The following GJA3 variants were observed in gnomAD, a reference collection of about 807,000 sequenced individuals.
GJA3 encodes gap junction alpha-3 protein.
For synonymous variants in GJA3, 297 were observed against 292.6 expected (o/e 1.02, Z -0.15); for missense variants, 571 against 620.3 (o/e 0.92, Z 0.84).
At chr13:20,143,743 C>G (rs1958827209) in intron 1 of GJA3, among the ~76,000 whole-genome samples, 1 of 152,222 alleles carries the variant, frequency 6.6e-6, no homozygotes, top group Non-Finnish European at 1.5e-5. Context: ...CCATGTTAAT[C>G]TGATACCTCT....
In GJA3 at chr13:20,142,945, A is replaced by G; in HGVS notation, c.344T>C (p.Leu115Pro). Reference protein sequence around the residue: ...KKKEREEEEQLKRESPSPKEP... With the variant: ...KKKEREEEEQPKRESPSPKEP... ...CTTGGGGCTGGGGCTCTCTCTCTTC[A>G]GCTGCTCCTCCTCCTCCCTCTCTTT... Residue 115 changes from leucine to proline, a missense_variant, in exon 2 of 2, where the codon CTG becomes CCG. Leu to Pro is a moderately conservative substitution (Grantham distance 98). Coordinates refer to ENST00000241125, the MANE Select transcript of GJA3 (RefSeq NM_021954.4). 1.9e-6 allele frequency: 3 copies of G among 1,576,940 alleles called. No homozygotes were observed. The highest frequency in any genetic ancestry group is 1.7e-4 in the Middle Eastern group (1 of 6,024).
intron 1 of GJA3, among the ~76,000 whole-genome samples, chr13:20,147,274 T>C (rs1958848573): frequency 6.6e-6 from 1 of 152,224 alleles, no homozygotes; most frequent in Non-Finnish European, 1.5e-5. Flanking sequence ...CATCAGCCAC[T>C]TCCAGATTTC....
At chr13:20,154,925 A>C (rs9509065) in intron 1 of GJA3, among the ~76,000 whole-genome samples, 38,299 of 152,108 alleles carry the variant, frequency 0.25, 6,658 homozygotes, top group African/African-American at 0.49. Context: ...ATTACAGCTC[A>C]CTGTAACTTT....
rs1958801461 is a variant in GJA3, at chr13:20,140,566, TCATTTTATAAACAA to T, written c.*1401_*1414del. 1 of 152,230 alleles carries T rather than the reference TCATTTTATAAACAA, an allele frequency of 6.6e-6. No individual in the cohort carries two copies. Among genetic ancestry groups the T allele is most frequent in the Non-Finnish European group, 1.5e-5 (1 of 68,044 alleles). 9.4% of individuals were successfully genotyped at this position (152,230 alleles called of 1,614,324 possible). ...GAAACAGGCTCAACATGACCATCGT[TCATTTTATAAACAA>T]ATGGTGACCAAGATACTACAGCTGT... On this transcript the variant is annotated 3_prime_UTR_variant, in exon 2 of 2. Transcript: ENST00000241125.
intron 1 of GJA3, among the ~76,000 whole-genome samples, chr13:20,159,429 C>G: frequency 8.2e-6 from 1 of 122,056 alleles, no homozygotes; most frequent in East Asian, 2.8e-4. Context: ...TGCACTCCAG[C>G]CTGGGTGACA....
chr13:20,160,770 C>G (rs1247157265), intron 1 of GJA3, 120 bp downstream of exon 1: 1 of 152,104 alleles, frequency 6.6e-6, no homozygotes, highest in East Asian at 1.9e-4. Flanking sequence ...CTTCCCAGCT[C>G]GGCAGTCTCA....
intron 1 of GJA3, among the ~76,000 whole-genome samples, chr13:20,154,260 C>A (rs1291231539): frequency 6.6e-6 from 1 of 152,226 alleles, no homozygotes; most frequent in Non-Finnish European, 1.5e-5. Context: ...TGCGACACTT[C>A]TTTAATGCCC....
chr13:20,147,206 A>C (rs1423936947), intron 1 of GJA3, among the ~76,000 whole-genome samples: 1 of 152,178 alleles, frequency 6.6e-6, no homozygotes, highest in East Asian at 1.9e-4. Flanking sequence ...AGCACAGGGG[A>C]TTGGTTAAGA....
chr13:20,154,209 G>A (rs576050592), intron 1 of GJA3, among the ~76,000 whole-genome samples: 12 of 152,216 alleles, frequency 7.9e-5, no homozygotes, highest in Non-Finnish European at 1.8e-4. Flanking sequence ...ATTTACTTCT[G>A]TACACTCATT....
intron 1 of GJA3, among the ~76,000 whole-genome samples, chr13:20,158,300 A>C (rs187050309): frequency 4.6e-5 from 7 of 152,328 alleles, no homozygotes; most frequent in Non-Finnish European, 7.3e-5. Context: ...TAATTTCTAT[A>C]GTATTAGTAT....
chr13:20,147,501 T>C (rs1958849755), intron 1 of GJA3, among the ~76,000 whole-genome samples: 1 of 152,250 alleles, frequency 6.6e-6, no homozygotes, highest in African/African-American at 2.4e-5. Context: ...GATGCTATGA[T>C]AAATGACAAG....
Position 20,141,808 on chromosome 13 carries a change from G to T in GJA3, c.*173C>A. On this transcript the variant is annotated 3_prime_UTR_variant, in exon 2 of 2. Coordinates refer to ENST00000241125, the MANE Select transcript of GJA3 (RefSeq NM_021954.4). ...ACTGTAACTCACAGTGCTAAGAACA[G>T]CAAGCATTGAACACGGAAACCTGAT... 2 of 957,060 alleles carry T rather than the reference G, an allele frequency of 2.1e-6. No homozygotes were observed. Among genetic ancestry groups the T allele is most frequent in the Non-Finnish European group, 3.1e-6 (2 of 651,906 alleles). The allele number at this position is 957,060 out of a possible 1,614,324, so 59.3% of individuals were successfully genotyped here. A position where few individuals can be genotyped will look rare whatever the true frequency, so the allele number is the denominator to read the frequency against.
intron 1 of GJA3, among the ~76,000 whole-genome samples, chr13:20,155,219 A>G (rs1290778246): frequency 6.6e-6 from 1 of 152,108 alleles, no homozygotes; most frequent in Non-Finnish European, 1.5e-5. Flanking sequence ...TTCGATTCTT[A>G]TATGTTCATA....
intron 1 of GJA3, among the ~76,000 whole-genome samples, chr13:20,159,239 C>T (rs914111288): frequency 2.0e-5 from 3 of 151,744 alleles, no homozygotes; most frequent in East Asian, 1.9e-4. Context: ...CCAGTCCTCA[C>T]TCTCAGGAGA....
In GJA3 at chr13:20,142,725, G is replaced by A; in HGVS notation, c.564C>T (p.Asn188=). 1 of 1,613,966 alleles carries A rather than the reference G, an allele frequency of 6.2e-7. No individual in the cohort carries two copies. The highest frequency in any genetic ancestry group is 8.5e-7 in the Non-Finnish European group (1 of 1,179,964). Reference sequence around the variant, plus strand: ...GCCTGGAGATGAAGCAGTCCACCGTGTTGGGGCAGGGCCAGCGGTCGCAGC... The same window carrying A: ...GCCTGGAGATGAAGCAGTCCACCGTATTGGGGCAGGGCCAGCGGTCGCAGC... The part of the protein sequence containing the change: ...LYRCDRWPCP[N]TVDCFISRPT... Residue 188 remains asparagine (N), a synonymous_variant, in exon 2 of 2, where the codon AAC becomes AAT. Transcript: ENST00000241125.
chr13:20,151,313 G>C (rs1958876016), intron 1 of GJA3, among the ~76,000 whole-genome samples: 1 of 152,150 alleles, frequency 6.6e-6, no homozygotes, highest in Admixed American at 6.5e-5. Context: ...ATGTGGAAGA[G>C]ATCAGCTCCT....
chr13:20,153,483 G>C (rs910998907), intron 1 of GJA3, among the ~76,000 whole-genome samples: 5 of 152,276 alleles, frequency 3.3e-5, no homozygotes, highest in Non-Finnish European at 7.4e-5. Flanking sequence ...GTCCTTTGTA[G>C]GGACATGGAT....
intron 1 of GJA3, among the ~76,000 whole-genome samples, chr13:20,152,611 T>C (rs1342188610): frequency 6.6e-6 from 1 of 152,192 alleles, no homozygotes; most frequent in African/African-American, 2.4e-5. Flanking sequence ...CTGGAACTCC[T>C]GACCTCAGGT....
chr13:20,142,744 T>C lies in GJA3; in HGVS notation c.545A>G (p.Asp182Gly), dbSNP rs886050023. The C allele has an allele frequency of 1.9e-6, 3 of 1,613,710 alleles. No individual in the cohort carries two copies. The East Asian group carries it at 6.7e-5, about 36-fold the overall frequency. The change falls in exon 2 of 2, where the codon GAC (aspartate) becomes GGC (glycine). Residue 182 changes from aspartate (D) to glycine (G), a missense_variant. Transcript: ENST00000241125. ...GFELKPLYRC[D>G]RWPCPNTVDC... ...CACCGTGTTGGGGCAGGGCCAGCGGTCGCAGCGGTAGAGCGGCTTCAGCTC... is the reference window on the plus strand; with the variant it reads ...CACCGTGTTGGGGCAGGGCCAGCGGCCGCAGCGGTAGAGCGGCTTCAGCTC...
Sources: allele counts gnomAD v4.1 joint callset (sites outside exome capture counted in the v4.1 genomes callset), GRCh38; gene constraint gnomAD v4.1.1; transcripts MANE v1.5; gene names NCBI Gene and HGNC (gene_info 2026-07-23, HGNC 2026-07-21).